Variants in PAK5 observed in about 807,000 individuals in gnomAD.
PAK5 encodes the protein serine/threonine-protein kinase PAK 5.
PAK5 carries 16 observed loss-of-function variants against 65.9 expected under a neutral mutation model. That is an observed-to-expected ratio of 0.24 (90% CI 0.16 to 0.37). The LOEUF (loss-of-function observed/expected upper bound fraction) is 0.37. PAK5 is among the 10% of genes least tolerant of loss of function. The pLI, the probability that PAK5 is intolerant of heterozygous loss-of-function variation, is 1.00. For synonymous variants in PAK5, 371 were observed against 354.9 expected (o/e 1.05, Z -0.51); for missense variants, 785 against 903.9 (o/e 0.87, Z 1.69).
At chr20:9,776,134 C>T (rs2048884834) in intron 1 of PAK5, among the ~76,000 whole-genome samples, 1 of 152,110 alleles carries the variant, frequency 6.6e-6, no homozygotes, top group African/African-American at 2.4e-5. Context: ...TTCATTAATC[C>T]TCATAGCATT....
intron 3 of PAK5, among the ~76,000 whole-genome samples, chr20:9,633,494 A>G (rs1279692880): frequency 3.3e-5 from 5 of 152,184 alleles, no homozygotes; most frequent in Non-Finnish European, 7.4e-5. Context: ...ATTTGTTATT[A>G]TAAGTGCCAC....
intron 3 of PAK5, among the ~76,000 whole-genome samples, chr20:9,605,271 C>G (rs1263955561): frequency 6.6e-6 from 1 of 152,152 alleles, no homozygotes; most frequent in Non-Finnish European, 1.5e-5. Context: ...ATTGTCATGT[C>G]AGAGAAAGCC....
intron 9 of PAK5, among the ~76,000 whole-genome samples, chr20:9,540,081 G>A (rs992225918): frequency 2.0e-5 from 3 of 152,072 alleles, no homozygotes; most frequent in African/African-American, 7.2e-5. Flanking sequence ...TTCTTTGAAG[G>A]TCTTGTAATT....
intron 1 of PAK5, among the ~76,000 whole-genome samples, chr20:9,768,922 G>A: frequency 6.6e-6 from 1 of 150,994 alleles, no homozygotes; most frequent in East Asian, 1.9e-4. Flanking sequence ...TGTTCCCATA[G>A]TAATTAAAAA....
chr20:9,667,349 T>TCCCAACCCTTCA (rs758811708), intron 2 of PAK5, among the ~76,000 whole-genome samples: 1 of 144,802 alleles, frequency 6.9e-6, no homozygotes, highest in African/African-American at 2.6e-5. Context: ...GGCAGAGTTA[T>TCCCAACCCTTCA]GCTTTGCCAG....
chr20:9,752,694 T>C (rs4816171), intron 1 of PAK5, among the ~76,000 whole-genome samples: 26,793 of 152,072 alleles, frequency 0.18, 2,709 homozygotes, highest in East Asian at 0.28. Flanking sequence ...TATGTAAGAA[T>C]TACTGATTTA....
chr20:9,597,557 T>C (rs1160346561), intron 3 of PAK5, among the ~76,000 whole-genome samples: 1 of 152,170 alleles, frequency 6.6e-6, no homozygotes, highest in African/African-American at 2.4e-5. Flanking sequence ...TGGTTCCAAT[T>C]CTCCTCTTCT....
At chr20:9,818,300 T>C (rs933856398) in intron 1 of PAK5, among the ~76,000 whole-genome samples, 1 of 152,172 alleles carries the variant, frequency 6.6e-6, no homozygotes, top group African/African-American at 2.4e-5. Flanking sequence ...ATGTTTCCTC[T>C]TGGTAATTTT....
chr20:9,566,503 A>G (rs549298738), intron 4 of PAK5, 119 bp from the exon 5 acceptor site: 63 of 1,016,972 alleles, frequency 6.2e-5, no homozygotes, highest in Non-Finnish European at 1.5e-6. Context: ...AGATGAGAGG[A>G]TCTGGCTGGG....
chr20:9,753,436 G>C (rs570463055), intron 1 of PAK5, among the ~76,000 whole-genome samples: 1 of 152,226 alleles, frequency 6.6e-6, no homozygotes, highest in Non-Finnish European at 1.5e-5. Flanking sequence ...TGAACTATAT[G>C]ATAAATTCCT....
rs560171968 is a variant in PAK5, at chr20:9,541,138, TGG to T, written c.2004+1446_2004+1447del. 3.3e-3 allele frequency among the ~76,000 whole-genome samples: 506 copies of T among 152,304 alleles called. 2 individuals are homozygous for T. Among genetic ancestry groups the T allele is most frequent in the African/African-American group, 0.01 (425 of 41,578 alleles). The stretch of plus-strand genomic sequence containing the variant: ...ACACAACCTATATGAGTGATGCTAC[TGG>T]GGCTGTTCCCTAAGATTTAGGGGTG... On this transcript the variant is annotated intron_variant, in intron 9 of 9. Coordinates refer to ENST00000353224, the MANE Select transcript of PAK5 (RefSeq NM_177990.4).
chr20:9,616,745 T>A (rs1349179823), intron 3 of PAK5, among the ~76,000 whole-genome samples: 1 of 152,158 alleles, frequency 6.6e-6, no homozygotes, highest in Non-Finnish European at 1.5e-5. Context: ...GCGTCCTTCC[T>A]TAGGGGCCTG....
intron 1 of PAK5, among the ~76,000 whole-genome samples, chr20:9,743,093 C>A (rs1419885271): frequency 1.3e-5 from 2 of 152,126 alleles, no homozygotes; most frequent in African/African-American, 2.4e-5. Context: ...ACTGGCCAGG[C>A]ATGGTGGCTT....
intron 1 of PAK5, among the ~76,000 whole-genome samples, chr20:9,765,065 CT>C (rs1351944900): frequency 6.6e-6 from 1 of 152,182 alleles, no homozygotes; most frequent in Admixed American, 6.5e-5. Context: ...GTCTCCTTTG[CT>C]CCAGCGGTGA....
chr20:9,617,782 C>T (rs1288578190), intron 3 of PAK5, among the ~76,000 whole-genome samples: 1 of 151,916 alleles, frequency 6.6e-6, no homozygotes, highest in African/African-American at 2.4e-5. Context: ...GTCTCGATCT[C>T]CTGACCTCGT....
chr20:9,774,874 T>C (rs2048870702), intron 1 of PAK5, among the ~76,000 whole-genome samples: 3 of 152,000 alleles, frequency 2.0e-5, no homozygotes. Flanking sequence ...GAGAATAGCG[T>C]GAACCCAGGA....
chr20:9,548,019 C>G (rs1047001437), intron 7 of PAK5, among the ~76,000 whole-genome samples: 1 of 152,204 alleles, frequency 6.6e-6, no homozygotes, highest in African/African-American at 2.4e-5. Context: ...ACATTTTCAC[C>G]ACACCCCATC....
chr20:9,632,381 C>G (rs1029169729), intron 3 of PAK5, among the ~76,000 whole-genome samples: 4 of 152,152 alleles, frequency 2.6e-5, no homozygotes, highest in Non-Finnish European at 5.9e-5. Flanking sequence ...ATGAGTGGCA[C>G]ACGTTTGAAA....
chr20:9,747,349 T>C (rs1569070965), intron 1 of PAK5, among the ~76,000 whole-genome samples: 1 of 151,970 alleles, frequency 6.6e-6, no homozygotes, highest in African/African-American at 2.4e-5. Flanking sequence ...GCCAGCATCA[T>C]CCTGATACCA....
Sources: allele counts gnomAD v4.1 joint callset (sites outside exome capture counted in the v4.1 genomes callset), GRCh38; gene constraint gnomAD v4.1.1; transcripts MANE v1.5; gene names NCBI Gene and HGNC (gene_info 2026-07-23, HGNC 2026-07-21).